The following PDZD9 variants were observed in gnomAD, a reference collection of about 807,000 sequenced individuals.
PDZD9 encodes the protein PDZ domain containing 9.
Under a neutral mutation model 16.3 loss-of-function variants are expected in PDZD9, and 13 were observed. That is an observed-to-expected ratio of 0.80 (90% CI 0.52 to 1.27). PDZD9 has a LOEUF of 1.27. Ranked by LOEUF, PDZD9 falls within the 50% of genes most tolerant of loss-of-function variation. The probability of loss-of-function intolerance (pLI) is 0.00; values close to 1 mark genes in which losing one functional copy is unlikely to be tolerated. For missense variants in PDZD9, 288 were observed against 310.9 expected, an observed-to-expected ratio of 0.93 and a Z score of 0.55; for synonymous variants, 120 against 111.0, an observed-to-expected ratio of 1.08 and a Z score of -0.51.
chr16:21,963,618 C>T, the PDZD9 span, among the ~76,000 whole-genome samples: 13 of 151,918 alleles, frequency 8.6e-5, no homozygotes, highest in African/African-American at 2.7e-4. Flanking sequence ...CACACACCAC[C>T]GCACCCTGCT....
intron 3 of PDZD9, among the ~76,000 whole-genome samples, chr16:21,986,694 G>A (rs1226021413): frequency 6.6e-6 from 1 of 152,188 alleles, no homozygotes; most frequent in East Asian, 1.9e-4. Flanking sequence ...CCTTGATGGA[G>A]TTCACATTCT....
chr16:21,999,851 G>A (rs1156769107), intron 1 of PDZD9, among the ~76,000 whole-genome samples: 1 of 152,054 alleles, frequency 6.6e-6, no homozygotes, highest in Non-Finnish European at 1.5e-5. Context: ...AGCCTGGCCA[G>A]CATGGTGAAA....
chr16:21,985,696 A>G (rs1357308044), intron 3 of PDZD9, among the ~76,000 whole-genome samples: 1 of 152,194 alleles, frequency 6.6e-6, no homozygotes, highest in Non-Finnish European at 1.5e-5. Context: ...GCCCTGCTAA[A>G]AGGAAATAGG....
At position 21,991,984 on chromosome 16, in the gene PDZD9, GTAAC is replaced by G. The variant is rs373038873; in HGVS notation, c.212-3197_212-3194del. ...CAGCTCTGAACACAGACTCAGTTGT[GTAAC>G]TAAGATGAACAAGTTATTTCATCTC... On this transcript the variant is annotated intron_variant, in intron 2 of 3. Transcript: ENST00000424898. Among the ~76,000 whole-genome samples, 390 of 152,296 alleles carry G rather than the reference GTAAC, an allele frequency of 2.6e-3. 2 individuals are homozygous for G. The highest frequency in any genetic ancestry group is 0.01 in the Middle Eastern group (3 of 294).
At chr16:21,979,834 G>A (rs997776037), downstream of PDZD9, among the ~76,000 whole-genome samples, 2 of 151,964 alleles carry the variant, frequency 1.3e-5, no homozygotes, top group Non-Finnish European at 2.9e-5. Context: ...TAATCTTAAC[G>A]GGACCACCAT....
At chr16:21,983,780 T>G (rs187656580), downstream of PDZD9, 565 of 153,522 alleles carry the variant, frequency 3.7e-3, 3 homozygotes, top group Non-Finnish European at 5.6e-3. Context: ...TCCAAATAAT[T>G]AACTCTCAAT....
the PDZD9 span, among the ~76,000 whole-genome samples, chr16:21,964,309 C>A: frequency 6.6e-6 from 1 of 152,176 alleles, no homozygotes; most frequent in African/African-American, 2.4e-5. Flanking sequence ...ATCTATTCTG[C>A]CTGAACAGTT....
At chr16:21,957,863 A>T in the PDZD9 span, among the ~76,000 whole-genome samples, 1 of 151,810 alleles carries the variant, frequency 6.6e-6, no homozygotes, top group Non-Finnish European at 1.5e-5. Flanking sequence ...GTTGCCCACA[A>T]CCCTTCATGT....
In PDZD9 at chr16:21,996,413, T is replaced by G; in HGVS notation, c.120A>C (p.Leu40Phe). ...GTCCATGCTGGATGATGATGAGGCCTAATCCCAGGCTACCCACAGTGAGTT... is the reference window on the plus strand; with the variant it reads ...GTCCATGCTGGATGATGATGAGGCCGAATCCCAGGCTACCCACAGTGAGTT... ...QTKLTVGSLG[L>F]GLIIIQHGPY... The change falls in exon 2 of 4, where the codon TTA becomes TTC. Residue 40 changes from leucine (L) to phenylalanine (F), a missense_variant. Coordinates refer to ENST00000424898, the MANE Select transcript of PDZD9 (RefSeq NM_001363519.1). The G allele has an allele frequency of 6.5e-7, 1 of 1,536,042 alleles. No individual in the cohort carries two copies. Among genetic ancestry groups the G allele is most frequent in the Non-Finnish European group, 8.7e-7 (1 of 1,146,804 alleles).
chr16:21,963,768 C>T, the PDZD9 span, among the ~76,000 whole-genome samples: 1 of 152,114 alleles, frequency 6.6e-6, no homozygotes, highest in Non-Finnish European at 1.5e-5. Flanking sequence ...TGTGCCTGAC[C>T]CCTAGTGATT....
chr16:21,981,053 C>T (rs1474319774), downstream of PDZD9, among the ~76,000 whole-genome samples: 1 of 152,116 alleles, frequency 6.6e-6, no homozygotes, highest in African/African-American at 2.4e-5. Context: ...TGTTAGATGA[C>T]TAGAAGTAAA....
the PDZD9 span, among the ~76,000 whole-genome samples, chr16:21,964,495 TCTTA>T: frequency 6.6e-6 from 1 of 152,144 alleles, no homozygotes; most frequent in Non-Finnish European, 1.5e-5. Context: ...AGCCCACTTC[TCTTA>T]CTTTATGCTC....
At chr16:21,995,461 A>G (rs748305112) in intron 2 of PDZD9, among the ~76,000 whole-genome samples, 1 of 152,162 alleles carries the variant, frequency 6.6e-6, no homozygotes, top group African/African-American at 2.4e-5. Flanking sequence ...GGATCCTCCC[A>G]CCTTGGCTTC....
the PDZD9 span, among the ~76,000 whole-genome samples, chr16:21,970,751 A>G: frequency 6.6e-5 from 10 of 151,958 alleles, no homozygotes; most frequent in African/African-American, 1.9e-4. Context: ...ATTCCTGGCT[A>G]ATTTTTGTAA....
intron 3 of PDZD9, among the ~76,000 whole-genome samples, chr16:21,987,424 GA>G (rs903298169): frequency 5.4e-5 from 8 of 148,418 alleles, no homozygotes; most frequent in Non-Finnish European, 9.0e-5. Context: ...TCGTCTCCAA[GA>G]AAAAAAAAAT....
chr16:21,989,482 T>G (rs1469228937), intron 2 of PDZD9, among the ~76,000 whole-genome samples: 1 of 152,178 alleles, frequency 6.6e-6, no homozygotes, highest in Non-Finnish European at 1.5e-5. Context: ...AAAAACCACT[T>G]ACACTAAGTG....
chr16:21,968,601 C>G, the PDZD9 span: 1 of 1,578,294 alleles, frequency 6.3e-7, no homozygotes, highest in Non-Finnish European at 8.6e-7. Flanking sequence ...GCTAATATAA[C>G]CTAATAAGTG....
In PDZD9 at chr16:21,984,066, G is replaced by A. The variant is rs1199388364; in HGVS notation, c.*201C>T. 1 of 499,538 alleles carries A rather than the reference G, an allele frequency of 2.0e-6. No homozygotes were observed. Among genetic ancestry groups the A allele is most frequent in the Non-Finnish European group, 3.5e-6 (1 of 289,438 alleles). The allele number at this position is 499,538 out of a possible 1,614,324, so 30.9% of individuals were successfully genotyped here. On this transcript the variant is annotated 3_prime_UTR_variant, in exon 4 of 4. Transcript: ENST00000424898. Reference sequence around the variant, plus strand: ...AAGGAGGGTCTTATTCTGAAAATAAGATTTGTGAGGCCTGCAAGAACCCAA... The same window carrying A: ...AAGGAGGGTCTTATTCTGAAAATAAAATTTGTGAGGCCTGCAAGAACCCAA...
intron 2 of PDZD9, among the ~76,000 whole-genome samples, chr16:21,990,667 AAAAC>A (rs1001104242): frequency 6.6e-6 from 1 of 152,186 alleles, no homozygotes; most frequent in African/African-American, 2.4e-5. Flanking sequence ...AAACAAAACA[AAAAC>A]AAAACCCTCC....
Sources: gnomAD v4.1 joint callset for allele counts (sites outside exome capture counted in the v4.1 genomes callset) on GRCh38, gnomAD v4.1.1 for gene constraint, MANE v1.5 for transcripts, NCBI Gene and HGNC (gene_info 2026-07-23, HGNC 2026-07-21) for gene names.